Variants in EYA3 observed in about 807,000 individuals in gnomAD.
EYA3 encodes protein phosphatase EYA3.
A neutral mutation model predicts 80.0 loss-of-function variants in EYA3; 39 were observed. The ratio of observed to expected loss-of-function variants is 0.49; its 90% CI spans 0.38 to 0.64. EYA3 has a LOEUF of 0.64. Among genes scored for constraint, EYA3 ranks in the 30% least tolerant of loss-of-function variants. The probability of loss-of-function intolerance (pLI) is 0.00; values close to 1 mark genes in which losing one functional copy is unlikely to be tolerated. For missense variants in EYA3, 523 were observed against 676.1 expected (o/e 0.77, Z 2.51); for synonymous variants, 206 against 232.8 (o/e 0.88, Z 1.05).
At chr1:28,006,214 G>T (rs770795462) in intron 10 of EYA3, among the ~76,000 whole-genome samples, 1 of 151,936 alleles carries the variant, frequency 6.6e-6, no homozygotes, top group Non-Finnish European at 1.5e-5. Flanking sequence ...AGTGCAAAAG[G>T]CTTATTGGAA....
At chr1:28,069,585 A>T (rs565181871) in intron 1 of EYA3, among the ~76,000 whole-genome samples, 1 of 150,808 alleles carries the variant, frequency 6.6e-6, no homozygotes, top group East Asian at 1.9e-4. Context: ...AAGAAGAAAA[A>T]AAAAGAGGGT....
chr1:27,998,586 T>C (rs919365411), intron 12 of EYA3, among the ~76,000 whole-genome samples: 1 of 151,910 alleles, frequency 6.6e-6, no homozygotes, highest in African/African-American at 2.4e-5. Context: ...TGGGATTACT[T>C]TGTGTTGGCT....
chr1:28,053,576 G>A (rs6661800), intron 2 of EYA3, among the ~76,000 whole-genome samples: 50,802 of 151,940 alleles, frequency 0.33, 8,653 homozygotes, highest in East Asian at 0.51. Flanking sequence ...CTGTAAAAAA[G>A]AAGATACAAC....
intron 16 of EYA3, among the ~76,000 whole-genome samples, chr1:27,985,539 C>T (rs541530872): frequency 4.8e-4 from 73 of 152,258 alleles, no homozygotes; most frequent in Non-Finnish European, 2.9e-4. Flanking sequence ...TAGAGGACCC[C>T]AGGGCGTAGT....
Position 28,028,271 on chromosome 1 carries a change from C to T in EYA3, c.362-345G>A, listed in dbSNP as rs142458574. ...ATAAAGAGTGCCTGATGTTCATGTA[C>T]AGTGATAAATAATTTATCCAAACTG... On this transcript the variant is annotated intron_variant, in intron 6 of 17. Coordinates refer to ENST00000373871, the MANE Select transcript of EYA3 (RefSeq NM_001990.4). 2.0e-3 allele frequency among the ~76,000 whole-genome samples: 301 copies of T among 152,234 alleles called. 2 individuals carry two copies. Among genetic ancestry groups the T allele is most frequent in the African/African-American group, 6.9e-3 (287 of 41,534 alleles).
chr1:27,987,246 T>G (rs1004522509), intron 16 of EYA3, among the ~76,000 whole-genome samples: 1 of 152,218 alleles, frequency 6.6e-6, no homozygotes, highest in African/African-American at 2.4e-5. Flanking sequence ...TCACTTTCAT[T>G]TAGCATGTCT....
chr1:27,989,647 A>G (rs773518497), intron 15 of EYA3, 50 bp downstream of exon 15: 12 of 1,223,412 alleles, frequency 9.8e-6, no homozygotes, highest in Non-Finnish European at 1.3e-5. Flanking sequence ...GAACTGGAGT[A>G]GAAGAATATG....
chr1:27,978,318 T>C, intron 17 of EYA3, 56 bp downstream of exon 17: 1 of 1,299,950 alleles, frequency 7.7e-7, no homozygotes, highest in South Asian at 1.3e-5. Flanking sequence ...GTTTTTCCCA[T>C]TTTTCTCATT....
At chr1:27,994,512 C>A (rs1359292905) in intron 13 of EYA3, among the ~76,000 whole-genome samples, 1 of 152,014 alleles carries the variant, frequency 6.6e-6, no homozygotes, top group Non-Finnish European at 1.5e-5. Flanking sequence ...CATGGTGAAA[C>A]CCTGTCTTTA....
chr1:27,977,646 C>T (rs74444978), intron 17 of EYA3, among the ~76,000 whole-genome samples: 7 of 151,616 alleles, frequency 4.6e-5, no homozygotes, highest in East Asian at 1.9e-4. Context: ...GTCAGGAGTT[C>T]GAGACCAGCC....
At chr1:28,067,762 T>C (rs1644883726) in intron 1 of EYA3, among the ~76,000 whole-genome samples, 1 of 152,188 alleles carries the variant, frequency 6.6e-6, no homozygotes, top group Non-Finnish European at 1.5e-5. Context: ...TTCCAATAGT[T>C]AAAGAATTTG....
intron 11 of EYA3, among the ~76,000 whole-genome samples, chr1:28,002,930 G>C (rs957648397): frequency 4.0e-5 from 6 of 151,740 alleles, no homozygotes; most frequent in African/African-American, 1.5e-4. Context: ...GTCCAGCCTT[G>C]CCAACATGGT....
At chr1:28,062,657 G>GGGGTGTGTGT (rs111612303) in intron 1 of EYA3, among the ~76,000 whole-genome samples, 22 of 141,528 alleles carry the variant, frequency 1.6e-4, no homozygotes, top group South Asian at 2.3e-4. Context: ...AATATATGTA[G>GGGGTGTGTGT]GTGTGTGTGT....
intron 6 of EYA3, among the ~76,000 whole-genome samples, chr1:28,033,082 T>C (rs915067167): frequency 1.3e-5 from 2 of 152,116 alleles, no homozygotes; most frequent in African/African-American, 2.4e-5. Context: ...TAGTAAATAA[T>C]AGAGACAAGG....
chr1:28,071,016 A>C (rs993163027), intron 1 of EYA3, among the ~76,000 whole-genome samples: 5 of 152,176 alleles, frequency 3.3e-5, no homozygotes, highest in Non-Finnish European at 5.9e-5. Context: ...TCAGCCTCCC[A>C]GGTTCAAGCA....
At chr1:27,977,836 A>T (rs1437665674) in intron 17 of EYA3, among the ~76,000 whole-genome samples, 1 of 147,942 alleles carries the variant, frequency 6.8e-6, no homozygotes, top group Admixed American at 6.8e-5. Flanking sequence ...AGATAGAGTG[A>T]GACTCTATCT....
chr1:28,067,594 C>T (rs1301414727), intron 1 of EYA3, among the ~76,000 whole-genome samples: 2 of 151,788 alleles, frequency 1.3e-5, no homozygotes, highest in Non-Finnish European at 2.9e-5. Context: ...AGTGATCTTG[C>T]CTTACCTAAA....
chr1:27,977,428 T>G, intron 17 of EYA3: 1 of 1,534,670 alleles, frequency 6.5e-7, no homozygotes, highest in Non-Finnish European at 8.8e-7. Context: ...GGAAAGAACT[T>G]CTACAGATCC....
At chr1:28,014,694 T>C (rs1016147081) in intron 8 of EYA3, among the ~76,000 whole-genome samples, 3 of 150,992 alleles carry the variant, frequency 2.0e-5, no homozygotes, top group Non-Finnish European at 4.4e-5. Flanking sequence ...TACCACTGCA[T>C]TCCAGACTGG....
Sources: allele counts gnomAD v4.1 joint callset (sites outside exome capture counted in the v4.1 genomes callset), GRCh38; gene constraint gnomAD v4.1.1; transcripts MANE v1.5; gene names NCBI Gene and HGNC (gene_info 2026-07-23, HGNC 2026-07-21).